Variants in KIF2A observed in about 807,000 individuals in gnomAD.
KIF2A encodes kinesin-like protein KIF2A.
In KIF2A, 22 loss-of-function variants were observed where a neutral mutation model predicts 100.2. The observed-to-expected ratio is 0.22, with a 90% CI of 0.16 to 0.31. KIF2A has a LOEUF of 0.31. KIF2A is among the 10% of genes least tolerant of loss of function. The probability of loss-of-function intolerance (pLI) is 1.00; values close to 1 mark genes in which losing one functional copy is unlikely to be tolerated. For missense variants in KIF2A, 495 were observed against 898.7 expected (o/e 0.55, Z 5.74); for synonymous variants, 268 against 285.9 (o/e 0.94, Z 0.63).
At chr5:62,376,832 T>C (rs1741573306) in intron 18 of KIF2A, among the ~76,000 whole-genome samples, 1 of 152,130 alleles carries the variant, frequency 6.6e-6, no homozygotes, top group Admixed American at 6.6e-5. Context: ...TATGAATATA[T>C]TGTATATAGT....
chr5:62,342,642 C>A (rs972341500), intron 1 of KIF2A, among the ~76,000 whole-genome samples: 1 of 152,174 alleles, frequency 6.6e-6, no homozygotes, highest in East Asian at 1.9e-4. Flanking sequence ...TTTGTTAGAT[C>A]TGCATCAAGG....
In KIF2A at chr5:62,352,632, T is replaced by C. The variant is rs902087674; in HGVS notation, c.379T>C (p.Ser127Pro). ...RARPSQFPEQ[S>P]SSAQQNGSVS... Reference sequence around the variant, plus strand: ...ACGGCCCAGTCAATTTCCTGAACAGTCTTCCTCTGCACAACAGAATGGTAG... The same window carrying C: ...ACGGCCCAGTCAATTTCCTGAACAGCCTTCCTCTGCACAACAGAATGGTAG... Residue 127 changes from serine to proline, a missense_variant, in exon 5 of 21, where the codon TCT (serine) becomes CCT (proline). By Grantham distance (74) the Ser-to-Pro change is moderately conservative (BLOSUM62 -1). Around this residue, in one of 10 missense-constraint regions of KIF2A, gnomAD observed 115 missense variants for 143.6 expected, o/e 0.80. Coordinates refer to ENST00000407818, the MANE Select transcript of KIF2A (RefSeq NM_001098511.3). The C allele has an allele frequency of 6.2e-7, 1 of 1,604,580 alleles. No individual in the cohort carries two copies. Among genetic ancestry groups the C allele is most frequent in the Non-Finnish European group, 8.5e-7 (1 of 1,174,840 alleles).
chr5:62,342,757 A>ATT (rs558258021), intron 1 of KIF2A, among the ~76,000 whole-genome samples: 5 of 141,804 alleles, frequency 3.5e-5, no homozygotes, highest in African/African-American at 5.2e-5. Context: ...TTTAATCTTA[A>ATT]TTTTTTTTTT....
At chr5:62,330,235 C>T (rs920161117) in intron 1 of KIF2A, among the ~76,000 whole-genome samples, 3 of 152,040 alleles carry the variant, frequency 2.0e-5, no homozygotes, top group Admixed American at 6.6e-5. Flanking sequence ...CCTCTGGTTC[C>T]AGCTACTTGG....
chr5:62,368,041 G>A (rs1204933468), intron 16 of KIF2A, among the ~76,000 whole-genome samples: 2 of 151,998 alleles, frequency 1.3e-5, no homozygotes, highest in Admixed American at 1.3e-4. Flanking sequence ...AAATACTTAT[G>A]CATATAGAAA....
rs190945432 is a variant in KIF2A, at chr5:62,335,652, G to A, written c.65-11478G>A. Among the ~76,000 whole-genome samples, 235 of 152,260 alleles carry A rather than the reference G, an allele frequency of 1.5e-3. 1 individual carries two copies. The highest frequency in any genetic ancestry group is 5.5e-3 in the African/African-American group (227 of 41,542). On this transcript the variant is annotated intron_variant, in intron 1 of 20. Coordinates refer to ENST00000407818, the MANE Select transcript of KIF2A (RefSeq NM_001098511.3). ...GGCAGGGCTTGTCCGGATTCCTAGA[G>A]ATGGGCATTGCCAGCTCCTCCTCAC...
At chr5:62,360,413 G>A (rs1331569672) in intron 9 of KIF2A, among the ~76,000 whole-genome samples, 1 of 152,088 alleles carries the variant, frequency 6.6e-6, no homozygotes, top group Non-Finnish European at 1.5e-5. Context: ...GGCCGGGTGC[G>A]GTGGCTCATG....
rs1360429612 is a variant in KIF2A, at chr5:62,389,619, CTT to C, written c.*4052_*4053del. Among the ~76,000 whole-genome samples the C allele has an allele frequency of 4.0e-5, 6 of 151,820 alleles. No homozygotes were observed. Among genetic ancestry groups the C allele is most frequent in the Non-Finnish European group, 8.8e-5 (6 of 68,000 alleles). ...TGAATTTGACTAAAATTATCTTAGA[CTT>C]TCATTATCCCAGGCCTAAGAACTCA... is the stretch of plus-strand genomic sequence containing the variant. On this transcript the variant is annotated 3_prime_UTR_variant, in exon 21 of 21. Coordinates refer to ENST00000407818, the MANE Select transcript of KIF2A (RefSeq NM_001098511.3).
intron 18 of KIF2A, among the ~76,000 whole-genome samples, chr5:62,374,089 G>A (rs564719366): frequency 1.3e-5 from 2 of 152,170 alleles, no homozygotes; most frequent in African/African-American, 4.8e-5. Context: ...GTATACACCT[G>A]TAAGTCTAGC....
rs992449878 is a variant in KIF2A, at chr5:62,367,337, G to T, written c.1646+856G>T. Among the ~76,000 whole-genome samples, 4 of 152,052 alleles carry T rather than the reference G, an allele frequency of 2.6e-5. 1 individual carries two copies. Among genetic ancestry groups the T allele is most frequent in the Admixed American group, 2.6e-4 (4 of 15,254 alleles). ...GCTGGAGTGCAGTGGTGTGATCTCAGCTCACTGCAACCTCCACTTCCTGAG... is the reference window on the plus strand; with the variant it reads ...GCTGGAGTGCAGTGGTGTGATCTCATCTCACTGCAACCTCCACTTCCTGAG... On this transcript the variant is annotated intron_variant, in intron 16 of 20. Coordinates refer to ENST00000407818, the MANE Select transcript of KIF2A (RefSeq NM_001098511.3).
At chr5:62,363,617 T>C in intron 13 of KIF2A, 78 bp from the exon 14 acceptor site, 2 of 1,294,970 alleles carry the variant, frequency 1.5e-6, no homozygotes, top group Admixed American at 4.1e-5. Flanking sequence ...GCTGCTGTTG[T>C]TTTTAATGAA....
Position 62,390,736 on chromosome 5 carries a change from T to A in KIF2A, c.*5167T>A. The A allele has an allele frequency of 1.5e-6, 1 of 684,158 alleles. No individual in the cohort carries two copies. The highest frequency in any genetic ancestry group is 2.6e-5 in the East Asian group (1 of 38,480). 42.4% of individuals were successfully genotyped at this position (684,158 alleles called of 1,614,324 possible). The stretch of plus-strand genomic sequence containing the variant: ...ACTAGCCTCCATCTTCTACACCAAA[T>A]ACTATTCCATGCCATGGAAGTGCTA... On this transcript the variant is annotated 3_prime_UTR_variant, in exon 21 of 21. Transcript: ENST00000407818.
At chr5:62,316,317 C>T (rs568393352) in intron 1 of KIF2A, among the ~76,000 whole-genome samples, 15 of 152,324 alleles carry the variant, frequency 9.8e-5, no homozygotes, top group South Asian at 4.1e-4. Context: ...AAGAATATGA[C>T]GTCATCTCTT....
intron 1 of KIF2A, among the ~76,000 whole-genome samples, chr5:62,344,358 A>C (rs1747451158): frequency 6.6e-6 from 1 of 152,038 alleles, no homozygotes; most frequent in Non-Finnish European, 1.5e-5. Flanking sequence ...AAAAAAAAAA[A>C]AAATGCAGAT....
In KIF2A at chr5:62,350,076, C is replaced by T; in HGVS notation, c.290C>T (p.Thr97Ile). Residue 97 changes from threonine (T) to isoleucine (I), a missense_variant, in exon 4 of 21, where the codon ACT becomes ATT. By Grantham distance (89) the Thr-to-Ile change is moderately conservative. Around this residue, in one of 10 missense-constraint regions of KIF2A, gnomAD observed 115 missense variants for 143.6 expected, o/e 0.80. Coordinates refer to ENST00000407818, the MANE Select transcript of KIF2A (RefSeq NM_001098511.3). ...KVNKIVKNRR[T>I]VASIKNDPPS... is the part of the protein sequence containing the mutation. ...TTTTTCCTTTCATAGAATCGACGGA[C>T]TGTAGCTTCTATTAAGAATGACCCT... 1 of 1,589,898 alleles carries T rather than the reference C, an allele frequency of 6.3e-7. No homozygotes were observed. Among genetic ancestry groups the T allele is most frequent in the South Asian group, 1.2e-5 (1 of 86,694 alleles).
chr5:62,355,034 G>A (rs550672739), intron 6 of KIF2A, 125 bp from the exon 7 acceptor site: 91 of 557,394 alleles, frequency 1.6e-4, no homozygotes, highest in African/African-American at 1.9e-4. Flanking sequence ...ATATAATATC[G>A]TCAGTTTAAG....
rs775533413 is a variant in KIF2A at position 62,389,485 on chromosome 5, CAAAAA to C, written c.*3928_*3932del. On this transcript the variant is annotated 3_prime_UTR_variant, in exon 21 of 21. Coordinates refer to ENST00000407818, the MANE Select transcript of KIF2A (RefSeq NM_001098511.3). The stretch of plus-strand genomic sequence containing the variant: ...TGGGTGACAGAGCAAGACTCTGTCT[CAAAAA>C]AAAAAAAAAAAGAAATGTTATTGTC... 1.3e-4 allele frequency among the ~76,000 whole-genome samples: 10 copies of C among 75,920 alleles called. 1 individual carries two copies. The highest frequency in any genetic ancestry group is 4.5e-4 in the South Asian group (1 of 2,212). 49.8% of individuals were successfully genotyped at this position (75,920 alleles called of 152,430 possible).
At chr5:62,355,375 C>T in intron 7 of KIF2A, 121 bp downstream of exon 7, 2 of 577,924 alleles carry the variant, frequency 3.5e-6, no homozygotes, top group Non-Finnish European at 6.2e-6. Flanking sequence ...TGTGGGTGCT[C>T]ATTCCCCATA....
chr5:62,347,272 C>G, intron 2 of KIF2A, 48 bp downstream of exon 2: 1 of 982,852 alleles, frequency 1.0e-6, no homozygotes, highest in Non-Finnish European at 1.6e-6. Flanking sequence ...AATCAAGATT[C>G]TGAATATAAA....
Sources: gnomAD v4.1 joint callset for allele counts (sites outside exome capture counted in the v4.1 genomes callset) on GRCh38, gnomAD v4.1.1 for gene constraint, gnomAD v4.1.1 regional missense constraint, MANE v1.5 for transcripts, NCBI Gene and HGNC (gene_info 2026-07-23, HGNC 2026-07-21) for gene names.